The following WWOX variants were observed in gnomAD, a reference collection of about 807,000 sequenced individuals.
WWOX encodes the protein WW domain containing oxidoreductase, also known as WW domain-containing oxidoreductase.
A neutral mutation model predicts 46.2 loss-of-function variants in WWOX; 69 were observed. The observed-to-expected ratio is 1.49, with a 90% CI of 1.23 to 1.82. The LOEUF is 1.82. Ranked by LOEUF, WWOX falls within the 40% of genes most tolerant of loss-of-function variation. The pLI is 0.00. For missense variants in WWOX, 919 were observed against 542.6 expected (o/e 1.69, Z -6.89); for synonymous variants, 359 against 202.6 (o/e 1.77, Z -6.56).
intron 4 of WWOX, 136 bp downstream of exon 4, chr16:78,115,290 A>ACAT (rs2032723649): frequency 9.6e-7 from 1 of 1,046,036 alleles, no homozygotes; most frequent in South Asian, 1.4e-5. Context: ...CGTTTCATTA[A>ACAT]CATCACTACC....
At chr16:78,843,303 CT>C (rs2052210025) in intron 8 of WWOX, among the ~76,000 whole-genome samples, 1 of 150,220 alleles carries the variant, frequency 6.7e-6, no homozygotes, top group Admixed American at 6.7e-5. Context: ...CTGCAAAATT[CT>C]TACTTTTTGG....
intron 1 of WWOX, among the ~76,000 whole-genome samples, chr16:78,101,574 G>GC (rs1300292819): frequency 6.6e-6 from 1 of 151,926 alleles, no homozygotes; most frequent in African/African-American, 2.4e-5. Flanking sequence ...GCCCACCTCG[G>GC]CCCCCCAAAG....
intron 8 of WWOX, among the ~76,000 whole-genome samples, chr16:78,866,994 G>T (rs148147854): frequency 1.3e-5 from 2 of 152,310 alleles, no homozygotes; most frequent in Non-Finnish European, 2.9e-5. Context: ...TTTGTGATTT[G>T]TCATAAACGC....
chr16:79,042,400 C>A (rs959865156), intron 8 of WWOX, among the ~76,000 whole-genome samples: 39 of 152,292 alleles, frequency 2.6e-4, no homozygotes, highest in African/African-American at 8.7e-4. Context: ...CAATGTATAT[C>A]ATTTTGCCAA....
At chr16:79,099,278 A>G (rs1393779561) in intron 8 of WWOX, among the ~76,000 whole-genome samples, 1 of 152,154 alleles carries the variant, frequency 6.6e-6, no homozygotes, top group Non-Finnish European at 1.5e-5. Flanking sequence ...TCAACATGAG[A>G]TTTGGTGGGG....
intron 8 of WWOX, among the ~76,000 whole-genome samples, chr16:78,911,608 G>A (rs2045113502): frequency 6.6e-6 from 1 of 152,068 alleles, no homozygotes; most frequent in Admixed American, 6.5e-5. Context: ...GCTCACACCT[G>A]TAATCCCAAC....
chr16:78,764,267 T>C (rs1414144549), intron 8 of WWOX, among the ~76,000 whole-genome samples: 1 of 151,804 alleles, frequency 6.6e-6, no homozygotes, highest in Non-Finnish European at 1.5e-5. Context: ...CCAGAATTTC[T>C]CCGTGGGGAG....
chr16:78,741,787 G>A (rs58164682), intron 8 of WWOX, among the ~76,000 whole-genome samples: 5 of 152,102 alleles, frequency 3.3e-5, no homozygotes, highest in East Asian at 1.9e-4. Flanking sequence ...TCCAGGAGAC[G>A]GAGGTTGCAG....
intron 8 of WWOX, among the ~76,000 whole-genome samples, chr16:78,921,792 C>A (rs910256064): frequency 6.6e-6 from 1 of 152,206 alleles, no homozygotes; most frequent in African/African-American, 2.4e-5. Context: ...CAAGATTGTC[C>A]TTACTCTGAC....
chr16:78,195,738 C>T (rs1376646217), intron 5 of WWOX, among the ~76,000 whole-genome samples: 1 of 143,970 alleles, frequency 6.9e-6, no homozygotes, highest in Non-Finnish European at 1.5e-5. Flanking sequence ...AGGAGAATTG[C>T]TTGAACTCTG....
At chr16:78,706,954 T>C (rs1346464421) in intron 8 of WWOX, among the ~76,000 whole-genome samples, 1 of 152,216 alleles carries the variant, frequency 6.6e-6, no homozygotes, top group Non-Finnish European at 1.5e-5. Context: ...TCAGCCGTCA[T>C]GCCTGGCACA....
At chr16:78,380,216 A>G (rs1194752026) in intron 5 of WWOX, among the ~76,000 whole-genome samples, 1 of 152,120 alleles carries the variant, frequency 6.6e-6, no homozygotes, top group East Asian at 1.9e-4. Context: ...AGGGCTTCTA[A>G]GGGGCAAGGA....
intron 5 of WWOX, among the ~76,000 whole-genome samples, chr16:78,374,892 G>A (rs1248329974): frequency 6.6e-6 from 1 of 151,830 alleles, no homozygotes; most frequent in Non-Finnish European, 1.5e-5. Context: ...CACCAGGTTG[G>A]CCAGCCTGGT....
At chr16:78,155,430 A>C (rs1023270606) in intron 4 of WWOX, among the ~76,000 whole-genome samples, 2 of 152,142 alleles carry the variant, frequency 1.3e-5, no homozygotes, top group East Asian at 3.9e-4. Flanking sequence ...ATTACTTTGC[A>C]CCTTTTCCAT....
intron 8 of WWOX, among the ~76,000 whole-genome samples, chr16:78,613,473 G>T (rs979360813): frequency 1.3e-5 from 2 of 152,136 alleles, no homozygotes; most frequent in African/African-American, 2.4e-5. Context: ...CAGAATCGCT[G>T]TCCTGCCAGT....
intron 8 of WWOX, among the ~76,000 whole-genome samples, chr16:78,936,227 G>T (rs896874820): frequency 6.6e-6 from 1 of 152,154 alleles, no homozygotes; most frequent in Non-Finnish European, 1.5e-5. Context: ...TTGACTTTTG[G>T]TATTTGCTGT....
At chr16:78,685,380 C>T (rs2047830718) in intron 8 of WWOX, among the ~76,000 whole-genome samples, 3 of 152,204 alleles carry the variant, frequency 2.0e-5, no homozygotes, top group African/African-American at 7.2e-5. Flanking sequence ...GAGTCTGACA[C>T]AATAAGGCCA....
rs373289977 is a variant in WWOX, at chr16:78,865,378, A to G, written c.1057-346230A>G. The stretch of plus-strand genomic sequence containing the variant: ...AAGAAGTACGTCAGGTGAAGGGCAG[A>G]TAGAGGTCAACACCATAGATAAATC... On this transcript the variant is annotated intron_variant, in intron 8 of 8. Coordinates refer to ENST00000566780, the MANE Select transcript of WWOX (RefSeq NM_016373.4). Among the ~76,000 whole-genome samples the G allele has an allele frequency of 3.9e-5, 6 of 152,338 alleles. No homozygotes were observed. The East Asian group carries it at 1.2e-3, about 29-fold the overall frequency.
intron 4 of WWOX, among the ~76,000 whole-genome samples, chr16:78,139,121 G>C (rs1314990892): frequency 6.6e-6 from 1 of 152,132 alleles, no homozygotes; most frequent in Non-Finnish European, 1.5e-5. Context: ...TGTCCTAGGA[G>C]CAACCCTTAA....
Sources: allele counts gnomAD v4.1 joint callset (sites outside exome capture counted in the v4.1 genomes callset), GRCh38; gene constraint gnomAD v4.1.1; transcripts MANE v1.5; gene names NCBI Gene and HGNC (gene_info 2026-07-23, HGNC 2026-07-21).